PCDHA9: variants seen among roughly 807,000 people sequenced by gnomAD.
PCDHA9 encodes the protein protocadherin alpha-9.
PCDHA9 carries 62 observed loss-of-function variants against 62.0 expected under a neutral mutation model. The observed-to-expected ratio is 1.00, with a 90% CI of 0.81 to 1.23. The LOEUF (loss-of-function observed/expected upper bound fraction) is 1.23, where lower values mean the gene tolerates loss of function less well. Among genes scored for constraint, PCDHA9 ranks in the 50% most tolerant of loss-of-function variants. The pLI is 0.00. For missense variants in PCDHA9, 1,205 were observed against 1,249.8 expected (o/e 0.96, Z 0.54); for synonymous variants, 557 against 567.6 (o/e 0.98, Z 0.27).
intron 2 of PCDHA9, among the ~76,000 whole-genome samples, chr5:140,980,460 T>G (rs1554241839): frequency 6.6e-6 from 1 of 152,134 alleles, no homozygotes; most frequent in Non-Finnish European, 1.5e-5. Flanking sequence ...TGAAACCCTG[T>G]CTCTACTAAA....
intron 1 of PCDHA9, among the ~76,000 whole-genome samples, chr5:140,886,264 A>T (rs1471846282): frequency 3.3e-5 from 5 of 151,982 alleles, no homozygotes; most frequent in Admixed American, 3.3e-4. Flanking sequence ...CTATTTATAG[A>T]TAAAATTTTT....
chr5:140,885,152 T>C (rs1182560213), intron 1 of PCDHA9, among the ~76,000 whole-genome samples: 1 of 152,206 alleles, frequency 6.6e-6, no homozygotes, highest in African/African-American at 2.4e-5. Context: ...CTGTTTTGAT[T>C]GTCTCTACTT....
At chr5:140,917,339 A>T (rs1199530347) in intron 1 of PCDHA9, among the ~76,000 whole-genome samples, 36 of 112,892 alleles carry the variant, frequency 3.2e-4, no homozygotes, top group East Asian at 2.4e-3. Context: ...GAGGGGGGGG[A>T]TGGTGTAGGC....
chr5:140,916,090 G>A (rs1464191226), intron 1 of PCDHA9, among the ~76,000 whole-genome samples: 1 of 152,160 alleles, frequency 6.6e-6, no homozygotes, highest in African/African-American at 2.4e-5. Context: ...TGGTCCACAG[G>A]GAATCTGCCT....
chr5:140,987,004 A>G (rs2097221558), intron 3 of PCDHA9, among the ~76,000 whole-genome samples: 2 of 152,242 alleles, frequency 1.3e-5, no homozygotes, highest in Non-Finnish European at 2.9e-5. Flanking sequence ...ACTTGAGGTC[A>G]TGAGTTCGAG....
At chr5:140,868,806 G>T (rs374832846) in intron 1 of PCDHA9, 1 of 357,072 alleles carries the variant, frequency 2.8e-6, no homozygotes, top group South Asian at 6.9e-5. Flanking sequence ...AAATAAGCAC[G>T]TTGGAAATAT....
In PCDHA9 at chr5:140,982,530, C is replaced by G; in HGVS notation, c.2509C>G (p.Gln837Glu). The G allele has an allele frequency of 1.2e-6, 2 of 1,614,200 alleles. No homozygotes were observed. The highest frequency in any genetic ancestry group is 3.3e-5 in the Admixed American group (2 of 60,020). ...ILRAGPGGPDQQWPTVSSATP... is the reference protein window; with the variant it reads ...ILRAGPGGPDEQWPTVSSATP... ...ACGGGCTGGTCCAGGAGGGCCTGATCAGCAGTGGCCAACAGTATCCAGTGC... is the reference window on the plus strand; with the variant it reads ...ACGGGCTGGTCCAGGAGGGCCTGATGAGCAGTGGCCAACAGTATCCAGTGC... The change falls in exon 3 of 4, where the codon CAG (glutamine) becomes GAG (glutamate). Residue 837 changes from glutamine to glutamate, a missense_variant. By Grantham distance (29) the Gln-to-Glu change is conservative. Transcript: ENST00000532602.
At chr5:140,884,499 C>A (rs782667822) in intron 1 of PCDHA9, 2 of 1,614,062 alleles carry the variant, frequency 1.2e-6, no homozygotes, top group Non-Finnish European at 8.5e-7. Flanking sequence ...TGCTCCAGCG[C>A]GGCAGGGAGT....
chr5:140,885,792 C>T (rs2060715375), intron 1 of PCDHA9, among the ~76,000 whole-genome samples: 1 of 151,834 alleles, frequency 6.6e-6, no homozygotes, highest in Non-Finnish European at 1.5e-5. Context: ...AGCATATTGT[C>T]ATATGTATTT....
At chr5:140,884,035 C>A (rs782637499) in intron 1 of PCDHA9, 1 of 1,613,396 alleles carries the variant, frequency 6.2e-7, no homozygotes, top group South Asian at 1.1e-5. Context: ...GTGCAGGCCA[C>A]GTGGTGGCGA....
At chr5:141,009,167 G>A (rs2098401919) in intron 3 of PCDHA9, among the ~76,000 whole-genome samples, 1 of 152,180 alleles carries the variant, frequency 6.6e-6, no homozygotes, top group African/African-American at 2.4e-5. Flanking sequence ...TGTAAATACT[G>A]GCCTTGGCTG....
Position 140,850,370 on chromosome 5 carries a change from G to A in PCDHA9, c.1875G>A (p.Gly625=), listed in dbSNP as rs141414972. 2 of 1,597,812 alleles carry A rather than the reference G, an allele frequency of 1.3e-6. No homozygotes were observed. The highest frequency in any genetic ancestry group is 2.7e-5 in the African/African-American group (2 of 74,272). The change falls in exon 1 of 4, where the codon GGG becomes GGA. Residue 625 remains glycine, a synonymous_variant. Coordinates refer to ENST00000532602, the MANE Select transcript of PCDHA9 (RefSeq NM_031857.2). ...GCGCGAGCATCCCGTTCCGCGTGGG[G>A]CTGTACACGGGCGAGATCAGCACAA... ...TASASIPFRV[G]LYTGEISTTR... is the part of the protein sequence containing the mutation.
chr5:140,963,117 AAG>A (rs1292385306), intron 1 of PCDHA9, among the ~76,000 whole-genome samples: 1 of 152,182 alleles, frequency 6.6e-6, no homozygotes, highest in African/African-American at 2.4e-5. Flanking sequence ...CTTATAATTA[AAG>A]AGATAATATT....
At chr5:140,891,586 A>C (rs1296110221) in intron 1 of PCDHA9, among the ~76,000 whole-genome samples, 1 of 151,924 alleles carries the variant, frequency 6.6e-6, no homozygotes, top group Non-Finnish European at 1.5e-5. Flanking sequence ...TAATCTTATT[A>C]CTCTATCCCA....
rs2150440873 is a variant in PCDHA9, at chr5:140,849,570, G to C, written c.1075G>C (p.Val359Leu). The C allele has an allele frequency of 3.3e-4, 531 of 1,598,560 alleles. 47 individuals carry two copies. Among genetic ancestry groups the C allele is most frequent in the Non-Finnish European group, 4.4e-4 (516 of 1,167,980 alleles). Residue 359 changes from valine to leucine, a missense_variant, in exon 1 of 4, where the codon GTA becomes CTA. Physicochemically the swap from Val to Leu is conservative, Grantham distance 32. This residue lies in a region of PCDHA9 where 887 missense variants were observed against 809.5 expected (regional missense o/e 1.10). Coordinates refer to ENST00000532602, the MANE Select transcript of PCDHA9 (RefSeq NM_031857.2). ...QLTIKTLSVP[V>L]KEDAQLGTVI... ...GACTATCAAAACGCTCTCGGTTCCTGTAAAAGAGGACGCACAACTGGGGAC... is the reference window on the plus strand; with the variant it reads ...GACTATCAAAACGCTCTCGGTTCCTCTAAAAGAGGACGCACAACTGGGGAC...
intron 1 of PCDHA9, among the ~76,000 whole-genome samples, chr5:140,889,020 TG>T (rs1554183734): frequency 1.3e-5 from 2 of 152,126 alleles, no homozygotes; most frequent in Non-Finnish European, 2.9e-5. Context: ...TCTACTTCCT[TG>T]GATAACCGTA....
At chr5:140,948,245 A>G (rs1554218500) in intron 1 of PCDHA9, among the ~76,000 whole-genome samples, 2 of 151,606 alleles carry the variant, frequency 1.3e-5, no homozygotes, top group African/African-American at 4.8e-5. Flanking sequence ...TTTAGTAAAT[A>G]TTTTTACATC....
At chr5:140,885,917 T>G (rs2060772831) in intron 1 of PCDHA9, among the ~76,000 whole-genome samples, 1 of 152,212 alleles carries the variant, frequency 6.6e-6, no homozygotes, top group Non-Finnish European at 1.5e-5. Flanking sequence ...TTATAGATAT[T>G]AACTGTTTAT....
In PCDHA9 at chr5:140,979,008, G is replaced by T; in HGVS notation, c.2453+1G>T. 1 of 1,613,990 alleles carries T rather than the reference G, an allele frequency of 6.2e-7. No individual in the cohort carries two copies. The highest frequency in any genetic ancestry group is 1.3e-5 in the African/African-American group (1 of 75,044). ...CCTCCCTGAGAGCAGGCATGCACAG[G>T]TATGTATTTCCCTCCTCATTCACTC... On this transcript the variant is annotated splice_donor_variant, in intron 2 of 3. Transcript: ENST00000532602. LOFTEE classifies it high-confidence loss of function.
Sources: allele counts gnomAD v4.1 joint callset (sites outside exome capture counted in the v4.1 genomes callset), GRCh38; gene constraint gnomAD v4.1.1; regional missense constraint gnomAD v4.1.1; transcripts MANE v1.5; gene names NCBI Gene and HGNC (gene_info 2026-07-23, HGNC 2026-07-21).